The following LHFPL6 variants were observed in gnomAD, a reference collection of about 807,000 sequenced individuals.
The protein encoded by LHFPL6 is LHFPL tetraspan subfamily member 6.
Under a neutral mutation model 20.6 loss-of-function variants are expected in LHFPL6, and 9 were observed. The ratio of observed to expected loss-of-function variants is 0.44; its 90% confidence interval spans 0.26 to 0.76. The LOEUF is 0.76. Ranked by LOEUF, LHFPL6 falls within the 30% of genes least tolerant of loss-of-function variation. LHFPL6 has a pLI of 0.20. For synonymous variants in LHFPL6, 105 were observed against 98.7 expected (o/e 1.06, Z -0.38); for missense variants, 218 against 253.5 (o/e 0.86, Z 0.95).
chr13:39,399,729 A>G (rs564127045), intron 2 of LHFPL6, among the ~76,000 whole-genome samples: 36 of 152,344 alleles, frequency 2.4e-4, no homozygotes, highest in African/African-American at 7.9e-4. Context: ...TTCTGGCATC[A>G]TCGGCACCTG....
chr13:39,480,498 C>T (rs945591167), intron 2 of LHFPL6, among the ~76,000 whole-genome samples: 1 of 152,164 alleles, frequency 6.6e-6, no homozygotes, highest in African/African-American at 2.4e-5. Context: ...CAAGGCAGAA[C>T]CCCCTGAGAT....
Position 39,483,689 on chromosome 13 carries a change from C to T in LHFPL6, c.386-105163G>A, listed in dbSNP as rs200912582. 1.2e-4 allele frequency among the ~76,000 whole-genome samples: 19 copies of T among 152,164 alleles called. 1 individual carries two copies. In the East Asian group the frequency reaches 3.3e-3, roughly 26 times the overall value. Reference sequence around the variant, plus strand: ...GATGCAATTTAGGAGTTTACAGAAGCACCAAAATCAATGCAGAGAGGAAGA... The same window carrying T: ...GATGCAATTTAGGAGTTTACAGAAGTACCAAAATCAATGCAGAGAGGAAGA... On this transcript the variant is annotated intron_variant, in intron 2 of 3. Coordinates refer to ENST00000379589, the MANE Select transcript of LHFPL6 (RefSeq NM_005780.3).
intron 2 of LHFPL6, among the ~76,000 whole-genome samples, chr13:39,428,963 T>A (rs1021923567): frequency 2.6e-5 from 4 of 152,216 alleles, no homozygotes; most frequent in Non-Finnish European, 5.9e-5. Context: ...TTCCAAATAA[T>A]GCAGTACTTT....
chr13:39,444,633 C>A (rs542206547), intron 2 of LHFPL6, among the ~76,000 whole-genome samples: 4 of 152,310 alleles, frequency 2.6e-5, no homozygotes, highest in Admixed American at 1.3e-4. Context: ...TGTGGCTTCA[C>A]CTGCCACTCC....
At chr13:39,530,273 AAAAAG>A (rs1352796591) in intron 2 of LHFPL6, among the ~76,000 whole-genome samples, 1 of 151,994 alleles carries the variant, frequency 6.6e-6, no homozygotes, top group East Asian at 1.9e-4. Context: ...TATTAAAAAA[AAAAAG>A]AAAAGAGTAG....
At chr13:39,578,445 TTAA>T (rs1363573850) in intron 2 of LHFPL6, among the ~76,000 whole-genome samples, 2 of 152,194 alleles carry the variant, frequency 1.3e-5, no homozygotes, top group African/African-American at 4.8e-5. Flanking sequence ...GAATTTTATT[TTAA>T]GCATTCAGTC....
intron 2 of LHFPL6, among the ~76,000 whole-genome samples, chr13:39,482,421 C>T (rs1868557782): frequency 6.9e-6 from 1 of 145,930 alleles, no homozygotes; most frequent in Non-Finnish European, 1.5e-5. Flanking sequence ...CAAGCCTGGG[C>T]TATAGAGCAA....
chr13:39,540,423 C>T (rs1000707968), intron 2 of LHFPL6, among the ~76,000 whole-genome samples: 1 of 152,050 alleles, frequency 6.6e-6, no homozygotes, highest in Non-Finnish European at 1.5e-5. Context: ...TTTTAAGAAT[C>T]TTATCCACCT....
intron 2 of LHFPL6, among the ~76,000 whole-genome samples, chr13:39,399,043 T>G (rs2138377305): frequency 6.6e-6 from 1 of 152,276 alleles, no homozygotes; most frequent in South Asian, 2.1e-4. Flanking sequence ...CAACCTACCC[T>G]ACAACTCCAA....
At chr13:39,464,615 C>G (rs1361665288) in intron 2 of LHFPL6, among the ~76,000 whole-genome samples, 5 of 151,658 alleles carry the variant, frequency 3.3e-5, no homozygotes, top group Non-Finnish European at 7.4e-5. Flanking sequence ...TATTAACTAA[C>G]AGTGTAGCTA....
intron 2 of LHFPL6, among the ~76,000 whole-genome samples, chr13:39,551,660 T>C (rs543368443): frequency 2.9e-4 from 44 of 152,320 alleles, no homozygotes; most frequent in Non-Finnish European, 4.4e-4. Context: ...TGGGAATGCA[T>C]TGAATCTATA....
rs1430928203 is a variant in LHFPL6, at chr13:39,566,772, G to A, written c.385+34060C>T. On this transcript the variant is annotated intron_variant, in intron 2 of 3. Transcript: ENST00000379589. ...AAAAAAAAAAAAAATTTGCTTTAAA[G>A]GGCATTGTAGGAAAATTGAAAGTGA... Among the ~76,000 whole-genome samples the A allele has an allele frequency of 2.7e-5, 4 of 148,050 alleles. No individual in the cohort carries two copies. The East Asian group carries it at 5.9e-4, about 22-fold the overall frequency.
chr13:39,550,659 G>A lies in LHFPL6; in HGVS notation c.385+50173C>T, dbSNP rs556087622. Among the ~76,000 whole-genome samples the A allele has an allele frequency of 7.8e-4, 118 of 152,142 alleles. 1 individual carries two copies. Among genetic ancestry groups the A allele is most frequent in the Middle Eastern group, 3.4e-3 (1 of 294 alleles). On this transcript the variant is annotated intron_variant, in intron 2 of 3. Coordinates refer to ENST00000379589, the MANE Select transcript of LHFPL6 (RefSeq NM_005780.3). ...AACATAAGAGGTAATGCAGACATGT[G>A]CATTTCCAGTCACAATTATAAAGCT...
chr13:39,520,094 G>C lies in LHFPL6; in HGVS notation c.385+80738C>G, dbSNP rs189059641. On this transcript the variant is annotated intron_variant, in intron 2 of 3. Coordinates refer to ENST00000379589, the MANE Select transcript of LHFPL6 (RefSeq NM_005780.3). Reference sequence around the variant, plus strand: ...CCATCTGGGAGCCCAGTGCCCAGCAGCCTGGTCTTCAGAATCGGTTCATCT... The same window carrying C: ...CCATCTGGGAGCCCAGTGCCCAGCACCCTGGTCTTCAGAATCGGTTCATCT... Among the ~76,000 whole-genome samples, 19 of 152,258 alleles carry C rather than the reference G, an allele frequency of 1.2e-4. No individual in the cohort carries two copies. The East Asian group carries it at 3.7e-3, about 29-fold the overall frequency.
intron 2 of LHFPL6, among the ~76,000 whole-genome samples, chr13:39,513,167 T>C (rs749951300): frequency 6.6e-6 from 1 of 152,244 alleles, no homozygotes; most frequent in Non-Finnish European, 1.5e-5. Flanking sequence ...CTAAGTTACA[T>C]GGGATCATTT....
rs187728688 is a variant in LHFPL6 at position 39,367,906 on chromosome 13, C to G, written c.484+10522G>C. On this transcript the variant is annotated intron_variant, in intron 3 of 3. Coordinates refer to ENST00000379589, the MANE Select transcript of LHFPL6 (RefSeq NM_005780.3). The stretch of plus-strand genomic sequence containing the variant: ...TGTCATCAAAACATCCAGTTGCTAA[C>G]CCAAAGTAGCTTACTTAGCCAGATA... Among the ~76,000 whole-genome samples, 6 of 152,286 alleles carry G rather than the reference C, an allele frequency of 3.9e-5. No individual in the cohort carries two copies. In the East Asian group the frequency reaches 1.2e-3, roughly 29 times the overall value.
chr13:39,590,673 G>A (rs1342380068), intron 2 of LHFPL6, among the ~76,000 whole-genome samples: 3 of 152,138 alleles, frequency 2.0e-5, no homozygotes, highest in East Asian at 1.9e-4. Context: ...TGCATCTCAC[G>A]ATATTTACAT....
intron 2 of LHFPL6, among the ~76,000 whole-genome samples, chr13:39,541,987 A>T (rs1053536565): frequency 1.3e-5 from 2 of 151,874 alleles, no homozygotes; most frequent in Non-Finnish European, 2.9e-5. Context: ...GCTACTCGGG[A>T]GGCTGAGGCA....
chr13:39,440,849 C>A (rs9548770), intron 2 of LHFPL6, among the ~76,000 whole-genome samples: 3 of 151,902 alleles, frequency 2.0e-5, no homozygotes, highest in Middle Eastern at 3.2e-3. Flanking sequence ...TCCTGCCCTG[C>A]GCTGTTCTCA....
Sources: gnomAD v4.1 joint callset for allele counts (sites outside exome capture counted in the v4.1 genomes callset) on GRCh38, gnomAD v4.1.1 for gene constraint, MANE v1.5 for transcripts, NCBI Gene and HGNC (gene_info 2026-07-23, HGNC 2026-07-21) for gene names.